The following MADCAM1 variants were observed in gnomAD, a reference collection of about 807,000 sequenced individuals.
MADCAM1 encodes mucosal vascular addressin cell adhesion molecule 1, also known as mucosal addressin cell adhesion molecule 1.
In MADCAM1, 19 loss-of-function variants were observed where a neutral mutation model predicts 26.1. The ratio of observed to expected loss-of-function variants is 0.73; its 90% CI spans 0.51 to 1.07. The LOEUF is 1.07. Ranked by LOEUF, MADCAM1 falls within the 50% of genes least tolerant of loss-of-function variation. The probability of loss-of-function intolerance (pLI) is 0.00; values close to 1 mark genes in which losing one functional copy is unlikely to be tolerated. For synonymous variants in MADCAM1, 268 were observed against 260.9 expected, an observed-to-expected ratio of 1.03 and a Z score of -0.26; for missense variants, 514 against 542.1, an observed-to-expected ratio of 0.95 and a Z score of 0.51.
chr19:501,899 C>T lies in MADCAM1; in HGVS notation c.898C>T (p.Pro300Ser). The change falls in exon 4 of 5, where the codon CCC (proline) becomes TCC (serine). Residue 300 changes from proline to serine, a missense_variant. Around this residue, in one of 3 missense-constraint regions of MADCAM1, gnomAD observed 152 missense variants for 136.7 expected, o/e 1.11. Transcript: ENST00000215637. ...CCGCCCTGAGATCTCCCAGGCTGGG[C>T]CCACGCAGGGAGAAGTGATCCCAAC... ...TRRPEISQAG[P>S]TQGEVIPTGS... is the part of the protein sequence containing the mutation. 6.5e-7 allele frequency: 1 copy of T among 1,548,230 alleles called. No homozygotes were observed. The highest frequency in any genetic ancestry group is 8.7e-7 in the Non-Finnish European group (1 of 1,147,970).
At chr19:503,930 C>G (rs1173712968) in intron 4 of MADCAM1, among the ~76,000 whole-genome samples, 1 of 151,854 alleles carries the variant, frequency 6.6e-6, no homozygotes, top group Non-Finnish European at 1.5e-5. Flanking sequence ...TGCCTGTAAT[C>G]CCAGCTGAGG....
chr19:498,555 G>C lies in MADCAM1; in HGVS notation c.397G>C (p.Ala133Pro), dbSNP rs1296556607. 8 of 1,477,478 alleles carry C rather than the reference G, an allele frequency of 5.4e-6. No homozygotes were observed. The highest frequency in any genetic ancestry group is 1.5e-5 in the African/African-American group (1 of 68,620). 91.5% of individuals were successfully genotyped at this position (1,477,478 alleles called of 1,614,324 possible). A position where few individuals can be genotyped will look rare whatever the true frequency, so the allele number is the denominator to read the frequency against. ...AALVPGDPEV[A>P]CTAHKVTPVD... is the part of the protein sequence containing the mutation. ...CCTGGTGCCTGGTGACCCGGAGGTGGCCTGTACGGCCCACAAAGTCACGCC... is the reference window on the plus strand; with the variant it reads ...CCTGGTGCCTGGTGACCCGGAGGTGCCCTGTACGGCCCACAAAGTCACGCC... The change falls in exon 3 of 5, where the codon GCC becomes CCC. Residue 133 changes from alanine (A) to proline (P), a missense_variant. Physicochemically the swap from Ala to Pro is conservative, Grantham distance 27 (BLOSUM62 -1). Coordinates refer to ENST00000215637, the MANE Select transcript of MADCAM1 (RefSeq NM_130760.3).
At chr19:498,440 C>G (rs1003300443) in intron 2 of MADCAM1, 56 bp from the exon 3 acceptor site, 47 of 1,415,504 alleles carry the variant, frequency 3.3e-5, no homozygotes, top group Non-Finnish European at 3.9e-5. Flanking sequence ...CCGGCCCCTC[C>G]ATCACGTCCA....
rs969343951 is a variant in MADCAM1 at position 501,867 on chromosome 19, G to A, written c.866G>A (p.Arg289Lys). Residue 289 changes from arginine (R) to lysine (K), a missense_variant, in exon 4 of 5, where the codon AGG becomes AAG. Around this residue, in one of 3 missense-constraint regions of MADCAM1, gnomAD observed 152 missense variants for 136.7 expected, o/e 1.11. Transcript: ENST00000215637. Reference sequence around the variant, plus strand: ...ACCCCCAGGAGCCCAGGCTCCACCAGGACTCGCCGCCCTGAGATCTCCCAG... The same window carrying A: ...ACCCCCAGGAGCCCAGGCTCCACCAAGACTCGCCGCCCTGAGATCTCCCAG... ...THTPRSPGSTRTRRPEISQAG... is the reference protein window; with the variant it reads ...THTPRSPGSTKTRRPEISQAG... The A allele has an allele frequency of 1.9e-6, 3 of 1,557,404 alleles. No homozygotes were observed. The highest frequency in any genetic ancestry group is 2.6e-6 in the Non-Finnish European group (3 of 1,151,546).
chr19:502,021 C>T (rs1039792724), intron 4 of MADCAM1, 92 bp downstream of exon 4: 27 of 1,314,358 alleles, frequency 2.1e-5, no homozygotes, highest in Non-Finnish European at 1.8e-5. Flanking sequence ...ATTGCCCTGC[C>T]CAGCCTTGGT....
rs1978301220 is a variant in MADCAM1, at chr19:498,828, G to A, written c.667+3G>A. Reference sequence around the variant, plus strand: ...CAGCCACCGCCAGGCCATCCCCGGTGAGTCCGCTGGGTGCCCTGGAGACCC... The same window carrying A: ...CAGCCACCGCCAGGCCATCCCCGGTAAGTCCGCTGGGTGCCCTGGAGACCC... On this transcript the variant is annotated splice_donor_region_variant and intron_variant, in intron 3 of 4. Coordinates refer to ENST00000215637, the MANE Select transcript of MADCAM1 (RefSeq NM_130760.3). 6.6e-7 allele frequency: 1 copy of A among 1,518,058 alleles called. No homozygotes were observed. The highest frequency in any genetic ancestry group is 8.8e-7 in the Non-Finnish European group (1 of 1,141,776). The allele number at this position is 1,518,058 out of a possible 1,614,324, so 94.0% of individuals were successfully genotyped here.
At chr19:499,866 GA>G (rs1197623607) in intron 3 of MADCAM1, 1 of 456,018 alleles carries the variant, frequency 2.2e-6, no homozygotes, top group Admixed American at 2.4e-5. Context: ...TCCCACTAAA[GA>G]AAAAGGGATT....
chr19:500,176 G>A, intron 3 of MADCAM1: 1 of 456,308 alleles, frequency 2.2e-6, no homozygotes, highest in Non-Finnish European at 4.4e-6. Context: ...CTCGTCCACA[G>A]CCCATCATAA....
At chr19:500,804 AG>A (rs1451545213) in intron 3 of MADCAM1, among the ~76,000 whole-genome samples, 1 of 152,080 alleles carries the variant, frequency 6.6e-6, no homozygotes, top group African/African-American at 2.4e-5. Flanking sequence ...CGGGAGGCGG[AG>A]GTTGCAGTGA....
chr19:504,959 C>T lies in MADCAM1; in HGVS notation c.1143C>T (p.Pro381=), dbSNP rs1352839863. The T allele has an allele frequency of 2.5e-6, 4 of 1,588,304 alleles. No homozygotes were observed. Among genetic ancestry groups the T allele is most frequent in the Non-Finnish European group, 3.4e-6 (4 of 1,160,870 alleles). Reference sequence around the variant, plus strand: ...GGACCGGCCAGGTCGGGATCAGCCCCTCCTGAGTGGCCAGCCTTTCCCCCT... The same window carrying T: ...GGACCGGCCAGGTCGGGATCAGCCCTTCCTGAGTGGCCAGCCTTTCCCCCT... ...LRGTGQVGIS[P]S is the part of the protein sequence containing the mutation. Residue 381 remains proline (P), a synonymous_variant, in exon 5 of 5, where the codon CCC becomes CCT. Transcript: ENST00000215637.
Position 501,664 on chromosome 19 carries a change from T to G in MADCAM1, c.668-5T>G. 6.9e-7 allele frequency: 1 copy of G among 1,443,948 alleles called. No homozygotes were observed. The highest frequency in any genetic ancestry group is 2.6e-5 in the East Asian group (1 of 37,770). 89.4% of individuals were successfully genotyped at this position (1,443,948 alleles called of 1,614,324 possible). A position where few individuals can be genotyped will look rare whatever the true frequency, so the allele number is the denominator to read the frequency against. On this transcript the variant is annotated splice_polypyrimidine_tract_variant and splice_region_variant and intron_variant, in intron 3 of 4. Coordinates refer to ENST00000215637, the MANE Select transcript of MADCAM1 (RefSeq NM_130760.3). ...AGGAAAAAAAAACCCTCACTCTGTTTCCAGTCCTGCACAGCCCGACCTCCC... is the reference window on the plus strand; with the variant it reads ...AGGAAAAAAAAACCCTCACTCTGTTGCCAGTCCTGCACAGCCCGACCTCCC...
Position 497,969 on chromosome 19 carries a change from G to T in MADCAM1, c.189G>T (p.Leu63=). Residue 63 remains leucine, a synonymous_variant, in exon 2 of 5, where the codon CTG becomes CTT. Transcript: ENST00000215637. ...GGGCCTCGGTGCAGTGGCGGGGCCT[G>T]GACACCAGCCTGGGCGCGGTGCAGT... ...DRGASVQWRG[L]DTSLGAVQSD... is the part of the protein sequence containing the mutation. 1 of 1,495,000 alleles carries T rather than the reference G, an allele frequency of 6.7e-7. No homozygotes were observed. Among genetic ancestry groups the T allele is most frequent in the East Asian group, 2.7e-5 (1 of 37,114 alleles). The allele number at this position is 1,495,000 out of a possible 1,614,324, so 92.6% of individuals were successfully genotyped here. A position where few individuals can be genotyped will look rare whatever the true frequency, so the allele number is the denominator to read the frequency against.
In MADCAM1 at chr19:496,528, C is replaced by G. The variant is rs377335633; in HGVS notation, c.29C>G (p.Ala10Gly). 2 of 1,302,250 alleles carry G rather than the reference C, an allele frequency of 1.5e-6. No homozygotes were observed. Among genetic ancestry groups the G allele is most frequent in the Non-Finnish European group, 2.0e-6 (2 of 1,019,422 alleles). 80.7% of individuals were successfully genotyped at this position (1,302,250 alleles called of 1,614,324 possible). ...GATTTCGGACTGGCCCTCCTGCTGG[C>G]GGGGCTTCTGGGGCTCCTCCTCGGT... MDFGLALLLAGLLGLLLGQS... is the reference protein window; with the variant it reads MDFGLALLLGGLLGLLLGQS... The change falls in exon 1 of 5, where the codon GCG becomes GGG. Residue 10 changes from alanine to glycine, a missense_variant. Physicochemically the swap from Ala to Gly is moderately conservative, Grantham distance 60. This residue lies in a region of MADCAM1 where 317 missense variants were observed against 313.6 expected (regional missense o/e 1.01). Coordinates refer to ENST00000215637, the MANE Select transcript of MADCAM1 (RefSeq NM_130760.3).
intron 3 of MADCAM1, 151 bp downstream of exon 3, chr19:498,976 G>C (rs1322699117): frequency 2.5e-6 from 3 of 1,189,582 alleles, no homozygotes; most frequent in Non-Finnish European, 3.6e-6. Context: ...ATTCATCGAC[G>C]CAACATGTAT....
chr19:497,800 C>T (rs1483411661), intron 1 of MADCAM1, 33 bp from the exon 2 acceptor site: 5 of 1,262,468 alleles, frequency 4.0e-6, no homozygotes, highest in Admixed American at 4.3e-5. Flanking sequence ...TCCGGGACTC[C>T]GCGGGGCTGA....
chr19:497,538 G>C (rs1978291527), intron 1 of MADCAM1, among the ~76,000 whole-genome samples: 1 of 149,014 alleles, frequency 6.7e-6, no homozygotes, highest in African/African-American at 2.6e-5. Flanking sequence ...GCTCGGAGGA[G>C]GCAGGGGCTG....
In MADCAM1 at chr19:501,485, CAAAAAAAAAAAAAAAAAA is replaced by C. The variant is rs60370701; in HGVS notation, c.668-169_668-152del. ...GGGTAACAAGAGCAAAACTCTGTCT[CAAAAAAAAAAAAAAAAAA>C]AAAAAAAAAAAAAAGAATAAATGGA... On this transcript the variant is annotated intron_variant, in intron 3 of 4. Transcript: ENST00000215637. The C allele has an allele frequency of 4.1e-4, 34 of 83,484 alleles. 1 individual carries two copies. The highest frequency in any genetic ancestry group is 4.3e-3 in the Middle Eastern group (1 of 232). The allele number at this position is 83,484 out of a possible 1,614,324, so 5.2% of individuals were successfully genotyped here.
At position 501,829 on chromosome 19, in the gene MADCAM1, G is replaced by A; in HGVS notation, c.828G>A (p.Gln276=). ...DKTSPEPAPQ[Q]GSTHTPRSPG... ...CCTCCCCGGAGCCCGCCCCCCAGCA[G>A]GGCTCCACACACACCCCCAGGAGCC... Residue 276 remains glutamine, a synonymous_variant, in exon 4 of 5, where the codon CAG becomes CAA. Coordinates refer to ENST00000215637, the MANE Select transcript of MADCAM1 (RefSeq NM_130760.3). 7.0e-7 allele frequency: 1 copy of A among 1,424,074 alleles called. No homozygotes were observed. The allele number at this position is 1,424,074 out of a possible 1,614,324, so 88.2% of individuals were successfully genotyped here. A position where few individuals can be genotyped will look rare whatever the true frequency, so the allele number is the denominator to read the frequency against.
chr19:501,164 G>C (rs1038274843), intron 3 of MADCAM1, among the ~76,000 whole-genome samples: 11 of 151,660 alleles, frequency 7.3e-5, no homozygotes, highest in African/African-American at 2.4e-4. Flanking sequence ...ACTCCAGCCT[G>C]CACGACAGAG....
Sources: allele counts gnomAD v4.1 joint callset (sites outside exome capture counted in the v4.1 genomes callset), GRCh38; gene constraint gnomAD v4.1.1; regional missense constraint gnomAD v4.1.1; transcripts MANE v1.5; gene names NCBI Gene and HGNC (gene_info 2026-07-23, HGNC 2026-07-21).